The following SORCS2 variants were observed in gnomAD, a reference collection of about 807,000 sequenced individuals.
The protein encoded by SORCS2 is VPS10 domain-containing receptor SorCS2.
In SORCS2, 100 loss-of-function variants were observed where a neutral mutation model predicts 141.6. That is an observed-to-expected ratio of 0.71 (90% CI 0.60 to 0.83). SORCS2 has a LOEUF of 0.83. SORCS2 is among the 40% of genes least tolerant of loss of function. SORCS2 has a pLI of 0.00. For missense variants in SORCS2, 1,646 were observed against 1,560.2 expected, an observed-to-expected ratio of 1.05 and a Z score of -0.93; for synonymous variants, 789 against 676.9, an observed-to-expected ratio of 1.17 and a Z score of -2.57.
chr4:7,473,714 G>A (rs1050811271), intron 2 of SORCS2, among the ~76,000 whole-genome samples: 2 of 152,106 alleles, frequency 1.3e-5, no homozygotes, highest in African/African-American at 4.8e-5. Context: ...GGGAGGAACT[G>A]CTCCTGGCTG....
At chr4:7,533,492 CTGG>C (rs2109552850) in intron 3 of SORCS2, among the ~76,000 whole-genome samples, 1 of 152,120 alleles carries the variant, frequency 6.6e-6, no homozygotes, top group East Asian at 1.9e-4. Context: ...CGATCTGGTC[CTGG>C]TGGCCTTCCA....
In SORCS2 at chr4:7,703,330, C is replaced by T. The variant is rs542238272; in HGVS notation, c.1719C>T (p.Ile573=). 6.2e-6 allele frequency: 10 copies of T among 1,613,294 alleles called. No individual in the cohort carries two copies. Among genetic ancestry groups the T allele is most frequent in the East Asian group, 4.5e-5 (2 of 44,872 alleles). ...HILYLDHGGV[I]VAIKDTSIPL... The stretch of plus-strand genomic sequence containing the variant: ...TGTACCTGGACCACGGCGGCGTGAT[C>T]GTGGCCATCAAAGACACCTCCATCC... The change falls in exon 13 of 27, where the codon ATC becomes ATT. Residue 573 remains isoleucine, a synonymous_variant. Transcript: ENST00000507866.
At chr4:7,475,140 T>C (rs1730212215) in intron 2 of SORCS2, among the ~76,000 whole-genome samples, 1 of 152,196 alleles carries the variant, frequency 6.6e-6, no homozygotes, top group African/African-American at 2.4e-5. Context: ...GGCACCCGAT[T>C]CCACCAAAAA....
chr4:7,321,394 TC>T (rs747577788), intron 1 of SORCS2, among the ~76,000 whole-genome samples: 1 of 152,188 alleles, frequency 6.6e-6, no homozygotes, highest in Non-Finnish European at 1.5e-5. Context: ...ACCAAAAGAC[TC>T]CTAGATTTGA....
At chr4:7,352,712 C>T (rs925029905) in intron 1 of SORCS2, among the ~76,000 whole-genome samples, 1 of 152,192 alleles carries the variant, frequency 6.6e-6, no homozygotes, top group Non-Finnish European at 1.5e-5. Context: ...AGCCTCACAC[C>T]TGCTGCAGCT....
In SORCS2 at chr4:7,736,508, G is replaced by T. The variant is rs191869460; in HGVS notation, c.3312-561G>T. Among the ~76,000 whole-genome samples the T allele has an allele frequency of 2.9e-3, 444 of 152,332 alleles. 1 individual carries two copies. Among genetic ancestry groups the T allele is most frequent in the Non-Finnish European group, 5.5e-3 (373 of 68,020 alleles). ...ACCCTGGGTTTTGATTGGACTAAGT[G>T]GGGTGTCGTGCATGAAGGAGCCTGG... On this transcript the variant is annotated intron_variant, in intron 25 of 26. Coordinates refer to ENST00000507866, the MANE Select transcript of SORCS2 (RefSeq NM_020777.3).
chr4:7,544,682 G>A (rs1441850458), intron 3 of SORCS2, among the ~76,000 whole-genome samples: 2 of 152,242 alleles, frequency 1.3e-5, no homozygotes, highest in African/African-American at 4.8e-5. Flanking sequence ...GGGAGCTGGG[G>A]TATTGACCCC....
intron 2 of SORCS2, among the ~76,000 whole-genome samples, chr4:7,459,139 G>A (rs893531005): frequency 1.3e-5 from 2 of 152,132 alleles, no homozygotes; most frequent in African/African-American, 2.4e-5. Flanking sequence ...AGTGAAGACC[G>A]TGTGGCTTTG....
rs143760665 is a variant in SORCS2, at chr4:7,626,318, A to AT, written c.649-12004dup. 8.9e-3 allele frequency among the ~76,000 whole-genome samples: 1,357 copies of AT among 152,232 alleles called. 10 individuals are homozygous for AT. Among genetic ancestry groups the AT allele is most frequent in the Middle Eastern group, 0.017 (5 of 294 alleles). ...TTCATAAAAGTACATTATTTATTGG[A>AT]TTTTTTCCTAATTACAAATGTAACA... On this transcript the variant is annotated intron_variant, in intron 3 of 26. Coordinates refer to ENST00000507866, the MANE Select transcript of SORCS2 (RefSeq NM_020777.3).
At chr4:7,739,862 AG>A (rs1712511093) in intron 26 of SORCS2, among the ~76,000 whole-genome samples, 1 of 152,038 alleles carries the variant, frequency 6.6e-6, no homozygotes, top group Non-Finnish European at 1.5e-5. Context: ...CACTGCCAGG[AG>A]GGGGCGGAGC....
intron 25 of SORCS2, among the ~76,000 whole-genome samples, chr4:7,736,346 G>A (rs1257010081): frequency 6.6e-6 from 1 of 152,230 alleles, no homozygotes; most frequent in African/African-American, 2.4e-5. Context: ...CACCCTCAGA[G>A]CTAGTCACAG....
rs778941637 is a variant in SORCS2, at chr4:7,325,891, C to T, written c.481-70397C>T. ...TAACCCAGCGGGATCCATGCACTGG[C>T]GGGCGGGGCGGAGTTGGGGGGTTGG... On this transcript the variant is annotated intron_variant, in intron 1 of 26. Coordinates refer to ENST00000507866, the MANE Select transcript of SORCS2 (RefSeq NM_020777.3). 2.7e-4 allele frequency among the ~76,000 whole-genome samples: 41 copies of T among 152,146 alleles called. No individual in the cohort carries two copies. In the East Asian group the frequency reaches 2.9e-3, roughly 11 times the overall value.
At chr4:7,543,967 T>C (rs1236646667) in intron 3 of SORCS2, among the ~76,000 whole-genome samples, 60 of 72,250 alleles carry the variant, frequency 8.3e-4, no homozygotes, top group African/African-American at 2.8e-3. Context: ...CATCCATCCA[T>C]CCATCCACCC....
At chr4:7,581,832 A>G (rs760649806) in intron 3 of SORCS2, among the ~76,000 whole-genome samples, 11 of 152,218 alleles carry the variant, frequency 7.2e-5, no homozygotes, top group Non-Finnish European at 1.2e-4. Flanking sequence ...ATTAGAGACA[A>G]CTAAAATATC....
intron 2 of SORCS2, among the ~76,000 whole-genome samples, chr4:7,526,741 C>T (rs947926584): frequency 2.0e-5 from 3 of 152,154 alleles, no homozygotes; most frequent in Non-Finnish European, 2.9e-5. Context: ...GGGGCGCTGA[C>T]GGTGGGGGCC....
intron 14 of SORCS2, among the ~76,000 whole-genome samples, chr4:7,709,139 T>C (rs1725664381): frequency 6.6e-6 from 1 of 152,168 alleles, no homozygotes. Flanking sequence ...CTGTTTGTGT[T>C]GTGGGCCTTT....
In SORCS2 at chr4:7,350,172, C is replaced by T. The variant is rs114552270; in HGVS notation, c.481-46116C>T. Reference sequence around the variant, plus strand: ...AAAAGCACAACCCACCCCATGGCTGCGGAACCCACTCTGTGCGAATTTCCC... The same window carrying T: ...AAAAGCACAACCCACCCCATGGCTGTGGAACCCACTCTGTGCGAATTTCCC... On this transcript the variant is annotated intron_variant, in intron 1 of 26. Coordinates refer to ENST00000507866, the MANE Select transcript of SORCS2 (RefSeq NM_020777.3). 7.6e-3 allele frequency among the ~76,000 whole-genome samples: 1,162 copies of T among 152,332 alleles called. 14 individuals carry two copies. Among genetic ancestry groups the T allele is most frequent in the African/African-American group, 0.026 (1,076 of 41,582 alleles).
chr4:7,321,467 C>G (rs116263839), intron 1 of SORCS2, among the ~76,000 whole-genome samples: 206 of 152,352 alleles, frequency 1.4e-3, no homozygotes, highest in African/African-American at 4.8e-3. Context: ...TAGCACTGCT[C>G]TACACCAACA....
intron 2 of SORCS2, among the ~76,000 whole-genome samples, chr4:7,515,171 G>A (rs190571511): frequency 6.6e-5 from 10 of 152,326 alleles, no homozygotes; most frequent in Non-Finnish European, 1.0e-4. Flanking sequence ...AGTGGGAGGC[G>A]TGGCTCCCTC....
Sources: allele counts gnomAD v4.1 joint callset (sites outside exome capture counted in the v4.1 genomes callset), GRCh38; gene constraint gnomAD v4.1.1; transcripts MANE v1.5; gene names NCBI Gene and HGNC (gene_info 2026-07-23, HGNC 2026-07-21).